RBL1: variants seen among roughly 807,000 people sequenced by gnomAD.
RBL1 encodes the protein RB transcriptional corepressor like 1.
RBL1 carries 82 observed loss-of-function variants against 123.0 expected under a neutral mutation model. The ratio of observed to expected loss-of-function variants is 0.67; its 90% CI spans 0.56 to 0.80. The LOEUF (loss-of-function observed/expected upper bound fraction) is 0.80. RBL1 is among the 30% of genes least tolerant of loss of function. The probability of loss-of-function intolerance (pLI) is 0.00; values close to 1 mark genes in which losing one functional copy is unlikely to be tolerated. For missense variants in RBL1, 1,171 were observed against 1,299.6 expected, an observed-to-expected ratio of 0.90 and a Z score of 1.52; for synonymous variants, 405 against 441.3, an observed-to-expected ratio of 0.92 and a Z score of 1.03.
At chr20:37,060,173 A>AAGAT (rs1555862301) in intron 9 of RBL1, among the ~76,000 whole-genome samples, 1 of 146,308 alleles carries the variant, frequency 6.8e-6, no homozygotes, top group East Asian at 2.0e-4. Context: ...ACTCTGTCTC[A>AAGAT]AAATAAATAA....
At chr20:37,054,915 AC>A (rs1248648202) in intron 11 of RBL1, among the ~76,000 whole-genome samples, 1 of 152,220 alleles carries the variant, frequency 6.6e-6, no homozygotes, top group Non-Finnish European at 1.5e-5. Context: ...AAAAAGAAAG[AC>A]ACAGAAAAGA....
chr20:37,053,101 CA>C (rs370720788), intron 11 of RBL1, among the ~76,000 whole-genome samples: 3 of 152,352 alleles, frequency 2.0e-5, no homozygotes, highest in African/African-American at 7.2e-5. Context: ...ATGGACACTT[CA>C]ACATCCTCTG....
chr20:37,028,222 A>C (rs2064455127), intron 16 of RBL1, among the ~76,000 whole-genome samples: 1 of 152,120 alleles, frequency 6.6e-6, no homozygotes, highest in African/African-American at 2.4e-5. Flanking sequence ...AAAATTAGCC[A>C]GGTGTGGTGG....
chr20:37,055,527 G>A (rs1407107607), intron 11 of RBL1, 26 bp downstream of exon 11: 1 of 1,613,666 alleles, frequency 6.2e-7, no homozygotes. Flanking sequence ...GACCTTGCCA[G>A]TAGCTCAGAG....
intron 19 of RBL1, among the ~76,000 whole-genome samples, chr20:37,012,459 G>A (rs1385464545): frequency 1.3e-5 from 2 of 151,572 alleles, no homozygotes; most frequent in East Asian, 1.9e-4. Context: ...ACGAAGTGAG[G>A]AGCGTCTCTG....
rs961296840 is a variant in RBL1 at position 37,012,928 on chromosome 20, C to T, written c.2722+5351G>A. On this transcript the variant is annotated intron_variant, in intron 19 of 21. Coordinates refer to ENST00000373664, the MANE Select transcript of RBL1 (RefSeq NM_002895.5). The stretch of plus-strand genomic sequence containing the variant: ...CGGGAGGGAGGTGGGGGGTTCAGCC[C>T]CCCCGCCAGCCAGCCGCCCCGTCCG... Among the ~76,000 whole-genome samples, 340 of 148,106 alleles carry T rather than the reference C, an allele frequency of 2.3e-3. 1 individual carries two copies. Among genetic ancestry groups the T allele is most frequent in the Non-Finnish European group, 3.5e-3 (233 of 66,840 alleles).
chr20:37,030,006 A>G (rs930499395), intron 16 of RBL1, among the ~76,000 whole-genome samples: 1 of 152,248 alleles, frequency 6.6e-6, no homozygotes, highest in Non-Finnish European at 1.5e-5. Context: ...TAAGATGTCA[A>G]CACTAGCCAA....
At chr20:37,015,442 T>G (rs548285085) in intron 19 of RBL1, among the ~76,000 whole-genome samples, 73 of 152,080 alleles carry the variant, frequency 4.8e-4, no homozygotes, top group African/African-American at 9.9e-4. Context: ...TGTTGTTTTT[T>G]TTTTTTGAGA....
intron 16 of RBL1, among the ~76,000 whole-genome samples, chr20:37,023,125 CT>C (rs373419911): frequency 5.2e-4 from 76 of 145,630 alleles, no homozygotes; most frequent in South Asian, 2.4e-3. Context: ...ATAATTTTTC[CT>C]TTTTTTTTTT....
In RBL1 at chr20:37,068,188, T is replaced by G; in HGVS notation, c.291-2A>C. Reference sequence around the variant, plus strand: ...ATTTTACTAAAAAATTGTATTAAACTAAAAAAAAAAAGGAGGAGAAAAAAG... The same window carrying G: ...ATTTTACTAAAAAATTGTATTAAACGAAAAAAAAAAAGGAGGAGAAAAAAG... On this transcript the variant is annotated splice_acceptor_variant, in intron 2 of 21. Coordinates refer to ENST00000373664, the MANE Select transcript of RBL1 (RefSeq NM_002895.5). LOFTEE classifies it high-confidence loss of function. The G allele has an allele frequency of 2.5e-6, 3 of 1,191,634 alleles. No homozygotes were observed. Among genetic ancestry groups the G allele is most frequent in the Non-Finnish European group, 3.4e-6 (3 of 880,878 alleles). 73.8% of individuals were successfully genotyped at this position (1,191,634 alleles called of 1,614,324 possible).
intron 2 of RBL1, among the ~76,000 whole-genome samples, chr20:37,071,716 G>A (rs1202807112): frequency 6.6e-6 from 1 of 152,108 alleles, no homozygotes; most frequent in Non-Finnish European, 1.5e-5. Flanking sequence ...TTGGGTCATG[G>A]GAGCAGATCC....
intron 18 of RBL1, among the ~76,000 whole-genome samples, chr20:37,020,193 A>G (rs1600475806): frequency 6.6e-6 from 1 of 151,636 alleles, no homozygotes; most frequent in Admixed American, 6.6e-5. Context: ...GGCTCAATCA[A>G]TTCTCCTGCC....
At chr20:37,003,643 C>A in intron 21 of RBL1, 59 bp downstream of exon 21, 10 of 1,438,048 alleles carry the variant, frequency 7.0e-6, no homozygotes, top group Admixed American at 5.0e-5. Context: ...AAAAAAGAGG[C>A]AGGATTAACA....
intron 11 of RBL1, among the ~76,000 whole-genome samples, chr20:37,051,639 CA>C (rs879818348): frequency 4.8e-5 from 7 of 146,888 alleles, no homozygotes; most frequent in South Asian, 4.3e-4. Context: ...AACATCTATA[CA>C]AAAAAAAATC....
At chr20:37,032,507 G>A (rs1476149638) in intron 16 of RBL1, among the ~76,000 whole-genome samples, 158 bp downstream of exon 16, 3 of 151,928 alleles carry the variant, frequency 2.0e-5, no homozygotes, top group Admixed American at 6.6e-5. Context: ...CAATGTGAAT[G>A]TATTTAATAC....
chr20:37,069,774 G>T (rs2065252478), intron 2 of RBL1, among the ~76,000 whole-genome samples: 1 of 151,540 alleles, frequency 6.6e-6, no homozygotes, highest in South Asian at 2.1e-4. Context: ...CGCCAGGCCA[G>T]CACCCCCATC....
rs114189127 is a variant in RBL1, at chr20:37,063,986, C to T, written c.896+1438G>A. On this transcript the variant is annotated intron_variant, in intron 7 of 21. Coordinates refer to ENST00000373664, the MANE Select transcript of RBL1 (RefSeq NM_002895.5). Reference sequence around the variant, plus strand: ...TACAGGCTCACGCCACTACGTCTGGCTGATTTTGTATTTTTTGTAGAGACA... The same window carrying T: ...TACAGGCTCACGCCACTACGTCTGGTTGATTTTGTATTTTTTGTAGAGACA... 3.4e-3 allele frequency among the ~76,000 whole-genome samples: 518 copies of T among 151,070 alleles called. 1 individual carries two copies. The highest frequency in any genetic ancestry group is 0.014 in the Middle Eastern group (4 of 288).
intron 16 of RBL1, among the ~76,000 whole-genome samples, chr20:37,024,711 C>A (rs1367184809): frequency 6.6e-6 from 1 of 152,018 alleles, no homozygotes; most frequent in African/African-American, 2.4e-5. Flanking sequence ...AAACAACATT[C>A]AAAATAAAGA....
chr20:37,076,526 C>T (rs1439447113), intron 2 of RBL1, among the ~76,000 whole-genome samples: 7 of 152,156 alleles, frequency 4.6e-5, no homozygotes, highest in Admixed American at 1.3e-4. Context: ...AGATGATTCA[C>T]GTCCCAAGCA....
Sources: allele counts gnomAD v4.1 joint callset (sites outside exome capture counted in the v4.1 genomes callset), GRCh38; gene constraint gnomAD v4.1.1; transcripts MANE v1.5; gene names NCBI Gene and HGNC (gene_info 2026-07-23, HGNC 2026-07-21).